The following FER1L6 variants were observed in gnomAD, a reference collection of about 807,000 sequenced individuals.
The protein encoded by FER1L6 is fer-1 like family member 6, also known as fer-1-like protein 6.
FER1L6 carries 177 observed loss-of-function variants against 219.2 expected under a neutral mutation model. That is an observed-to-expected ratio of 0.81 (90% CI 0.71 to 0.91). The LOEUF (loss-of-function observed/expected upper bound fraction) is 0.91, where lower values mean the gene tolerates loss of function less well. FER1L6 is among the 40% of genes least tolerant of loss of function. The pLI is 0.00. For missense variants in FER1L6, 2,153 were observed against 2,259.9 expected (o/e 0.95, Z 0.96); for synonymous variants, 768 against 824.3 (o/e 0.93, Z 1.17).
rs139595911 is a variant in FER1L6 at position 123,898,780 on chromosome 8, C to A, written c.-8+46595C>A. On this transcript the variant is annotated intron_variant, in intron 1 of 40. Transcript: ENST00000522917. ...ATACACATATATATGTGTATATATA[C>A]GTATGTACATATATACATATATACA... is the stretch of plus-strand genomic sequence containing the variant. Among the ~76,000 whole-genome samples the A allele has an allele frequency of 6.9e-4, 68 of 98,302 alleles. 2 individuals carry two copies. In the South Asian group the frequency reaches 0.02, roughly 30 times the overall value. The allele number at this position is 98,302 out of a possible 152,430, so 64.5% of individuals were successfully genotyped here.
At chr8:124,016,588 C>A (rs557222834) in intron 15 of FER1L6, among the ~76,000 whole-genome samples, 1 of 152,200 alleles carries the variant, frequency 6.6e-6, no homozygotes, top group Non-Finnish European at 1.5e-5. Flanking sequence ...TGGGAACATA[C>A]ACCCTCATGT....
At chr8:124,095,129 A>G in intron 35 of FER1L6, 91 bp downstream of exon 35, 1 of 1,503,944 alleles carries the variant, frequency 6.6e-7, no homozygotes, top group African/African-American at 1.4e-5. Flanking sequence ...ACCTTCCCTC[A>G]GGTACATTTA....
chr8:124,006,492 A>G (rs1233668207), intron 13 of FER1L6, among the ~76,000 whole-genome samples: 1 of 152,192 alleles, frequency 6.6e-6, no homozygotes, highest in Non-Finnish European at 1.5e-5. Context: ...CAACCCCTAT[A>G]CATGTGTGCA....
chr8:124,096,507 C>T (rs1396407079), intron 35 of FER1L6, among the ~76,000 whole-genome samples: 1 of 152,178 alleles, frequency 6.6e-6, no homozygotes, highest in Non-Finnish European at 1.5e-5. Context: ...AAGCTGACAG[C>T]ATTCTTAGAA....
chr8:123,923,645 C>G (rs1224348966), intron 1 of FER1L6, among the ~76,000 whole-genome samples: 2 of 152,056 alleles, frequency 1.3e-5, no homozygotes, highest in Non-Finnish European at 2.9e-5. Context: ...TTAAGGAACC[C>G]TTAACATATG....
At chr8:124,026,186 A>G (rs750625126) in intron 18 of FER1L6, among the ~76,000 whole-genome samples, 1 of 152,146 alleles carries the variant, frequency 6.6e-6, no homozygotes, top group Non-Finnish European at 1.5e-5. Flanking sequence ...CTACAAATAC[A>G]TTTTTATTCC....
chr8:124,097,479 C>G, intron 36 of FER1L6, 120 bp downstream of exon 36: 1 of 745,716 alleles, frequency 1.3e-6, no homozygotes, highest in East Asian at 2.6e-5. Context: ...ATCCACCCGG[C>G]CAGTTTTTCA....
intron 22 of FER1L6, among the ~76,000 whole-genome samples, chr8:124,058,057 A>C (rs988549188): frequency 5.9e-5 from 9 of 152,224 alleles, no homozygotes; most frequent in African/African-American, 2.2e-4. Context: ...AAAAATATGT[A>C]GTGAGCTAGT....
intron 15 of FER1L6, chr8:124,014,322 G>A (rs1197528757): frequency 6.6e-6 from 1 of 152,656 alleles, no homozygotes; most frequent in Admixed American, 6.5e-5. Flanking sequence ...CAGGAACACA[G>A]GTTGTCTTAT....
intron 33 of FER1L6, among the ~76,000 whole-genome samples, chr8:124,090,444 T>C (rs1389793131): frequency 1.3e-5 from 2 of 152,334 alleles, no homozygotes; most frequent in African/African-American, 4.8e-5. Context: ...AGCAGTATAG[T>C]TGTCTGGGGA....
chr8:124,118,990 T>C, intron 40 of FER1L6, 46 bp downstream of exon 40: 1 of 1,458,636 alleles, frequency 6.9e-7, no homozygotes, highest in Non-Finnish European at 9.6e-7. Flanking sequence ...GAAGGGGCCT[T>C]TGCAGTCCTT....
intron 1 of FER1L6, among the ~76,000 whole-genome samples, chr8:123,895,350 A>G (rs79653418): frequency 0.034 from 5,124 of 152,326 alleles, 201 homozygotes; most frequent in African/African-American, 0.1. Context: ...TGTTAAGGAC[A>G]TCATGGGTAC....
Position 123,864,984 on chromosome 8 carries a change from C to A in FER1L6, c.-8+12799C>A, listed in dbSNP as rs554065964. Among the ~76,000 whole-genome samples the A allele has an allele frequency of 2.3e-4, 35 of 151,390 alleles. 1 individual carries two copies. In the South Asian group the frequency reaches 7.1e-3, roughly 31 times the overall value. ...CTGAAGCCTTCCTCTCTCAGCTCCT[C>A]AAAATCATTCTCCATCCAGCTTTGT... On this transcript the variant is annotated intron_variant, in intron 1 of 40. Coordinates refer to ENST00000522917, the MANE Select transcript of FER1L6 (RefSeq NM_001039112.2).
intron 1 of FER1L6, among the ~76,000 whole-genome samples, chr8:123,929,084 AC>A (rs1351102288): frequency 6.6e-6 from 1 of 152,176 alleles, no homozygotes; most frequent in Admixed American, 6.5e-5. Flanking sequence ...AGAAGTCCTG[AC>A]TAGAGGTCCT....
intron 31 of FER1L6, among the ~76,000 whole-genome samples, chr8:124,075,404 C>T (rs889065299): frequency 1.3e-5 from 2 of 152,172 alleles, no homozygotes; most frequent in African/African-American, 2.4e-5. Context: ...TCTACCTCCC[C>T]ATCTTGTCCC....
At position 123,956,092 on chromosome 8, in the gene FER1L6, G is replaced by A. The variant is rs543753675; in HGVS notation, c.76+18G>A. 1.6e-5 allele frequency: 26 copies of A among 1,603,880 alleles called. No individual in the cohort carries two copies. Among genetic ancestry groups the A allele is most frequent in the Admixed American group, 1.4e-4 (8 of 58,900 alleles). ...TGCGAAAGGTGAGGCTGGGGGTGGG[G>A]TGCTGACCATTGGGGCCTGAGAGTC... On this transcript the variant is annotated intron_variant, in intron 2 of 40. Coordinates refer to ENST00000522917, the MANE Select transcript of FER1L6 (RefSeq NM_001039112.2).
chr8:124,075,568 T>C (rs1200891389), intron 31 of FER1L6, among the ~76,000 whole-genome samples: 1 of 152,178 alleles, frequency 6.6e-6, no homozygotes, highest in Non-Finnish European at 1.5e-5. Flanking sequence ...GACTAAAAAG[T>C]ATAGTAAATA....
rs552345299 is a variant in FER1L6 at position 124,038,571 on chromosome 8, C to G, written c.2465-1311C>G. 1.5e-3 allele frequency among the ~76,000 whole-genome samples: 234 copies of G among 152,324 alleles called. 1 individual carries two copies. The highest frequency in any genetic ancestry group is 5.4e-3 in the African/African-American group (226 of 41,580). Reference sequence around the variant, plus strand: ...TAGTAACAACACTCCAGCCTCTTCACCCCACTTTTAGAGTTCTTCCTATGG... The same window carrying G: ...TAGTAACAACACTCCAGCCTCTTCAGCCCACTTTTAGAGTTCTTCCTATGG... On this transcript the variant is annotated intron_variant, in intron 19 of 40. Coordinates refer to ENST00000522917, the MANE Select transcript of FER1L6 (RefSeq NM_001039112.2).
At chr8:123,992,779 T>C (rs1197994361) in intron 12 of FER1L6, among the ~76,000 whole-genome samples, 2 of 152,230 alleles carry the variant, frequency 1.3e-5, no homozygotes, top group African/African-American at 2.4e-5. Flanking sequence ...ATTTTTCTAC[T>C]TCCTTGAGGT....
Sources: allele counts gnomAD v4.1 joint callset (sites outside exome capture counted in the v4.1 genomes callset), GRCh38; gene constraint gnomAD v4.1.1; transcripts MANE v1.5; gene names NCBI Gene and HGNC (gene_info 2026-07-23, HGNC 2026-07-21).